BLK: variants seen among roughly 807,000 people sequenced by gnomAD.
The protein encoded by BLK is tyrosine-protein kinase Blk.
In BLK, 64 loss-of-function variants were observed where a neutral mutation model predicts 61.8. The ratio of observed to expected loss-of-function variants is 1.03; its 90% CI spans 0.85 to 1.27. BLK has a LOEUF of 1.27. BLK is among the 50% of genes most tolerant of loss of function. BLK has a pLI of 0.00. For synonymous variants in BLK, 351 were observed against 272.0 expected, an observed-to-expected ratio of 1.29 and a Z score of -2.86; for missense variants, 853 against 660.5, an observed-to-expected ratio of 1.29 and a Z score of -3.19.
At chr8:11,557,631 C>A (rs1451135183) in intron 9 of BLK, among the ~76,000 whole-genome samples, 1 of 152,188 alleles carries the variant, frequency 6.6e-6, no homozygotes, top group African/African-American at 2.4e-5. Context: ...GGGGGAAAGA[C>A]AAGAAGGGGC....
At chr8:11,554,449 A>G (rs1389738908) in intron 6 of BLK, among the ~76,000 whole-genome samples, 1 of 152,166 alleles carries the variant, frequency 6.6e-6, no homozygotes, top group East Asian at 1.9e-4. Context: ...CCAAGTGGGG[A>G]CCTACATGAT....
chr8:11,537,946 G>T (rs1046755849), intron 1 of BLK, among the ~76,000 whole-genome samples: 1 of 152,172 alleles, frequency 6.6e-6, no homozygotes, highest in Middle Eastern at 3.4e-3. Flanking sequence ...GGGCCTAGCT[G>T]GTTTCAAATA....
chr8:11,564,151 C>T lies in BLK; in HGVS notation c.*43C>T. 6.5e-7 allele frequency: 1 copy of T among 1,530,206 alleles called. No individual in the cohort carries two copies. Among genetic ancestry groups the T allele is most frequent in the Non-Finnish European group, 8.8e-7 (1 of 1,142,018 alleles). 94.8% of individuals were successfully genotyped at this position (1,530,206 alleles called of 1,614,324 possible). On this transcript the variant is annotated 3_prime_UTR_variant, in exon 13 of 13. Coordinates refer to ENST00000259089, the MANE Select transcript of BLK (RefSeq NM_001715.3). ...CGCCCCGTGCCCACCTCTGCGCGGACGACCCCGACTTCCGTGCCATCCCAG... is the reference window on the plus strand; with the variant it reads ...CGCCCCGTGCCCACCTCTGCGCGGATGACCCCGACTTCCGTGCCATCCCAG...
At chr8:11,514,347 C>T (rs539059804) in intron 1 of BLK, among the ~76,000 whole-genome samples, 1 of 152,338 alleles carries the variant, frequency 6.6e-6, no homozygotes, top group South Asian at 2.1e-4. Flanking sequence ...AGAGGCAATG[C>T]TGTCTTAGTC....
At chr8:11,558,792 C>T (rs141128064) in intron 10 of BLK, 148 of 456,040 alleles carry the variant, frequency 3.2e-4, no homozygotes, top group African/African-American at 2.8e-3. Flanking sequence ...GGTCTGTGGT[C>T]AGCCTGTGAG....
chr8:11,525,109 G>C (rs146880122), intron 1 of BLK, among the ~76,000 whole-genome samples: 1 of 152,292 alleles, frequency 6.6e-6, no homozygotes, highest in East Asian at 1.9e-4. Context: ...TCCCTGCATG[G>C]ATTGAGCACT....
At chr8:11,554,639 G>C in intron 6 of BLK, 104 bp from the exon 7 acceptor site, 5 of 1,404,950 alleles carry the variant, frequency 3.6e-6, no homozygotes, top group Non-Finnish European at 5.0e-6. Flanking sequence ...ATGAAGAACA[G>C]AATTGGGGAA....
At chr8:11,558,271 C>A (rs535753732) in intron 10 of BLK, among the ~76,000 whole-genome samples, 62 of 152,296 alleles carry the variant, frequency 4.1e-4, no homozygotes, top group African/African-American at 1.4e-3. Flanking sequence ...GGGAATGGAG[C>A]CTTAGACCCG....
chr8:11,557,409 C>T (rs559366553), intron 9 of BLK, among the ~76,000 whole-genome samples: 41 of 152,198 alleles, frequency 2.7e-4, no homozygotes, highest in African/African-American at 3.9e-4. Flanking sequence ...CCAAGGGGCC[C>T]CCGGTCGGAG....
At chr8:11,546,542 C>T (rs1012597770) in intron 3 of BLK, among the ~76,000 whole-genome samples, 1 of 152,104 alleles carries the variant, frequency 6.6e-6, no homozygotes, top group African/African-American at 2.4e-5. Context: ...CTGCTGACCA[C>T]CTAACCACCC....
At chr8:11,515,591 C>T (rs1055757450) in intron 1 of BLK, among the ~76,000 whole-genome samples, 4 of 152,214 alleles carry the variant, frequency 2.6e-5, no homozygotes, top group Non-Finnish European at 5.9e-5. Context: ...TCTATTTCCC[C>T]CTTCCTTCCA....
chr8:11,543,886 G>A (rs1226732953), intron 2 of BLK, among the ~76,000 whole-genome samples: 2 of 152,130 alleles, frequency 1.3e-5, no homozygotes, highest in Non-Finnish European at 2.9e-5. Flanking sequence ...GCTGGGGAAT[G>A]CATTTTCCTA....
chr8:11,561,547 G>C, intron 11 of BLK, 95 bp downstream of exon 11: 7 of 1,457,662 alleles, frequency 4.8e-6, no homozygotes, highest in Non-Finnish European at 6.6e-6. Context: ...AGCCCTGAGG[G>C]AAGACACCTG....
chr8:11,510,669 C>T (rs1011513394), intron 1 of BLK, among the ~76,000 whole-genome samples: 1 of 151,962 alleles, frequency 6.6e-6, no homozygotes, highest in Admixed American at 6.6e-5. Context: ...TGAAAGAAAT[C>T]GAAAGATCTT....
intron 1 of BLK, among the ~76,000 whole-genome samples, chr8:11,537,503 G>C (rs544664098): frequency 6.6e-6 from 1 of 152,180 alleles, no homozygotes; most frequent in African/African-American, 2.4e-5. Flanking sequence ...TTTTGCCACA[G>C]GGGAGATGAT....
At chr8:11,547,244 C>T (rs1800687718) in intron 3 of BLK, among the ~76,000 whole-genome samples, 1 of 152,376 alleles carries the variant, frequency 6.6e-6, no homozygotes, top group East Asian at 1.9e-4. Flanking sequence ...GAACCACTGT[C>T]ACCCATTCTG....
chr8:11,497,428 C>G (rs1798400245), intron 1 of BLK, among the ~76,000 whole-genome samples: 1 of 152,172 alleles, frequency 6.6e-6, no homozygotes, highest in Non-Finnish European at 1.5e-5. Context: ...GTGCGAATGT[C>G]TCCTCCCAGT....
At chr8:11,555,577 C>G in intron 8 of BLK, 93 bp downstream of exon 8, 2 of 1,571,908 alleles carry the variant, frequency 1.3e-6, no homozygotes, top group East Asian at 2.3e-5. Flanking sequence ...CGTGTCATCC[C>G]TCCCCCAGAA....
At chr8:11,495,334 G>T (rs2117219738) in intron 1 of BLK, among the ~76,000 whole-genome samples, 1 of 152,298 alleles carries the variant, frequency 6.6e-6, no homozygotes, top group East Asian at 1.9e-4. Context: ...AAATTGCTGT[G>T]ATATGTGCAT....
Sources: allele counts gnomAD v4.1 joint callset (sites outside exome capture counted in the v4.1 genomes callset), GRCh38; gene constraint gnomAD v4.1.1; transcripts MANE v1.5; gene names NCBI Gene and HGNC (gene_info 2026-07-23, HGNC 2026-07-21).